DRC10: variants seen among roughly 807,000 people sequenced by gnomAD.
DRC10 encodes the protein dynein regulatory complex subunit 10, also known as IQ domain-containing protein D.
chr12:113,205,350 C>T, the DRC10 span, among the ~76,000 whole-genome samples: 2 of 151,184 alleles, frequency 1.3e-5, no homozygotes, highest in South Asian at 2.1e-4. Context: ...CTGGCCAACA[C>T]GGTGAAACCC....
chr12:113,205,222 AT>A, the DRC10 span, among the ~76,000 whole-genome samples: 1,025 of 148,492 alleles, frequency 6.9e-3, 45 homozygotes, highest in East Asian at 0.14. Context: ...GAGTAAATGA[AT>A]TTTTTTTTAA....
the DRC10 span, among the ~76,000 whole-genome samples, chr12:113,199,626 G>C: frequency 2.6e-5 from 4 of 152,144 alleles, no homozygotes; most frequent in African/African-American, 9.7e-5. Context: ...TATTAAAAAG[G>C]GTGCCTTTTA....
chr12:113,197,520 G>C, the DRC10 span: 2 of 1,490,188 alleles, frequency 1.3e-6, no homozygotes, highest in Non-Finnish European at 1.8e-6. Flanking sequence ...ATGCGAGAGA[G>C]ACTTATTCAG....
At chr12:113,203,182 C>A in the DRC10 span, 2 of 333,526 alleles carry the variant, frequency 6.0e-6, no homozygotes, top group African/African-American at 4.3e-5. Flanking sequence ...CATACCACCA[C>A]GCCCAGCTAA....
chr12:113,218,190 G>T, the DRC10 span, among the ~76,000 whole-genome samples: 102 of 150,664 alleles, frequency 6.8e-4, no homozygotes, highest in African/African-American at 2.4e-3. Flanking sequence ...AGGCTGGAGT[G>T]CCATGGCGTG....
At chr12:113,208,073 C>A in the DRC10 span, 10 of 1,614,214 alleles carry the variant, frequency 6.2e-6, no homozygotes, top group Non-Finnish European at 8.5e-6. Context: ...TTTAGTGGAT[C>A]AGCTGGCCTT....
At chr12:113,197,589 T>C in the DRC10 span, 4 of 1,533,196 alleles carry the variant, frequency 2.6e-6, no homozygotes, top group African/African-American at 4.1e-5. Context: ...AGTTCTCGAT[T>C]TCCGTTTCCA....
At chr12:113,204,174 G>A in the DRC10 span, among the ~76,000 whole-genome samples, 2 of 152,202 alleles carry the variant, frequency 1.3e-5, no homozygotes, top group Non-Finnish European at 1.5e-5. Context: ...GGTCAAGGCC[G>A]CAGTGAGCTA....
At chr12:113,219,908 A>G in the DRC10 span, among the ~76,000 whole-genome samples, 1 of 152,192 alleles carries the variant, frequency 6.6e-6, no homozygotes, top group Non-Finnish European at 1.5e-5. Context: ...ACCCGGGTTC[A>G]AGAAATTCTC....
the DRC10 span, chr12:113,207,411 A>G: frequency 6.4e-7 from 1 of 1,560,222 alleles, no homozygotes; most frequent in East Asian, 2.2e-5. Context: ...CTTCTTCAGT[A>G]ATTTCAGCAA....
At chr12:113,195,710 C>T in the DRC10 span, 358 of 1,613,662 alleles carry the variant, frequency 2.2e-4, 2 homozygotes, top group Non-Finnish European at 2.7e-4. Flanking sequence ...CCTGGATGAG[C>T]GTGGCCGCCC....
At chr12:113,217,616 C>T in the DRC10 span, among the ~76,000 whole-genome samples, 1 of 152,186 alleles carries the variant, frequency 6.6e-6, no homozygotes, top group African/African-American at 2.4e-5. Flanking sequence ...ACTGCAACCT[C>T]CACCCCCCTG....
At chr12:113,202,882 G>T in the DRC10 span, 2 of 297,864 alleles carry the variant, frequency 6.7e-6, no homozygotes, top group African/African-American at 4.4e-5. Context: ...GCTATTTTGG[G>T]TGTCTCTGTT....
the DRC10 span, among the ~76,000 whole-genome samples, chr12:113,204,603 T>C: frequency 1.3e-5 from 2 of 152,250 alleles, no homozygotes; most frequent in African/African-American, 4.8e-5. Flanking sequence ...CAAAGCCTAA[T>C]GTTTTTACTA....
chr12:113,203,030 T>A, the DRC10 span: 1 of 455,584 alleles, frequency 2.2e-6, no homozygotes, highest in Non-Finnish European at 4.4e-6. Flanking sequence ...ATGCTACTGT[T>A]TCCCTTTTTT....
chr12:113,205,271 G>A, the DRC10 span, among the ~76,000 whole-genome samples: 7 of 151,344 alleles, frequency 4.6e-5, no homozygotes, highest in East Asian at 9.7e-4. Context: ...AGTGGCTCAC[G>A]CCTATAATCC....
At chr12:113,197,647 A>C in the DRC10 span, 4 of 1,321,982 alleles carry the variant, frequency 3.0e-6, no homozygotes, top group Middle Eastern at 3.6e-4. Context: ...GTTTGATGGA[A>C]TATATTAACA....
the DRC10 span, among the ~76,000 whole-genome samples, chr12:113,216,036 C>T: frequency 2.6e-5 from 4 of 152,288 alleles, no homozygotes; most frequent in South Asian, 8.3e-4. Context: ...GTTGAAAACT[C>T]ATGTGCACAC....
the DRC10 span, among the ~76,000 whole-genome samples, chr12:113,202,539 G>A: frequency 6.6e-6 from 1 of 152,212 alleles, no homozygotes; most frequent in African/African-American, 2.4e-5. Flanking sequence ...CAGCCCCAGT[G>A]ACGGGTGGTC....
Sources: allele counts gnomAD v4.1 joint callset (sites outside exome capture counted in the v4.1 genomes callset), GRCh38; gene constraint gnomAD v4.1.1; transcripts MANE v1.5; gene names NCBI Gene and HGNC (gene_info 2026-07-23, HGNC 2026-07-21).